The following POLN variants were observed in gnomAD, a reference collection of about 807,000 sequenced individuals.
POLN encodes DNA polymerase nu.
Under a neutral mutation model 113.5 loss-of-function variants are expected in POLN, and 108 were observed. That is an observed-to-expected ratio of 0.95 (90% CI 0.81 to 1.12). The LOEUF is 1.12. Among genes scored for constraint, POLN ranks in the 50% most tolerant of loss-of-function variants. The probability of loss-of-function intolerance (pLI) is 0.00; values close to 1 mark genes in which losing one functional copy is unlikely to be tolerated. For missense variants in POLN, 1,097 were observed against 1,077.1 expected, an observed-to-expected ratio of 1.02 and a Z score of -0.26; for synonymous variants, 386 against 391.5, an observed-to-expected ratio of 0.99 and a Z score of 0.17.
At position 2,218,672 on chromosome 4, in the gene POLN, G is replaced by A. The variant is rs1055921279; in HGVS notation, c.134-5546C>T. Among the ~76,000 whole-genome samples the A allele has an allele frequency of 3.9e-5, 6 of 152,292 alleles. 2 individuals carry two copies. The highest frequency in any genetic ancestry group is 3.9e-4 in the Admixed American group (6 of 15,292). On this transcript the variant is annotated intron_variant, in intron 3 of 25. Coordinates refer to ENST00000511885, the MANE Select transcript of POLN (RefSeq NM_181808.4). ...GGTGGCGGGATAACATAGCACTGGG[G>A]CAAGGTGCAAATTTATATTGTCCAT...
At chr4:2,229,050 T>C in intron 3 of POLN, 49 bp downstream of exon 3, 2 of 1,517,086 alleles carry the variant, frequency 1.3e-6, no homozygotes, top group Non-Finnish European at 1.8e-6. Context: ...TTTAGAACAA[T>C]TAACATTCAA....
At position 2,121,790 on chromosome 4, in the gene POLN, C is replaced by CT. The variant is rs561846189; in HGVS notation, c.1982+6322dup. 2.1e-3 allele frequency among the ~76,000 whole-genome samples: 305 copies of CT among 148,722 alleles called. 3 individuals are homozygous for CT. Among genetic ancestry groups the CT allele is most frequent in the South Asian group, 5.8e-3 (27 of 4,666 alleles). ...TTTTGCTGATTTTTCAAAGAGCTAA[C>CT]TTTTTTTTTTACCAATTTCCTCTAT... On this transcript the variant is annotated intron_variant, in intron 19 of 25. Transcript: ENST00000511885.
chr4:2,157,725 A>C (rs1169797960), intron 15 of POLN, 133 bp downstream of exon 15: 3 of 169,638 alleles, frequency 1.8e-5, no homozygotes, highest in African/African-American at 4.3e-5. Flanking sequence ...TCTGTCTCAA[A>C]AAAAAAAAAA....
chr4:2,153,800 G>A (rs1732353205), intron 16 of POLN, among the ~76,000 whole-genome samples: 1 of 151,984 alleles, frequency 6.6e-6, no homozygotes, highest in Non-Finnish European at 1.5e-5. Flanking sequence ...AAGCCAGAAT[G>A]TTCTCGATCT....
At chr4:2,196,784 G>A (rs1194587505) in intron 6 of POLN, among the ~76,000 whole-genome samples, 3 of 152,200 alleles carry the variant, frequency 2.0e-5, no homozygotes, top group East Asian at 1.9e-4. Flanking sequence ...GTTGGCCTGG[G>A]TGGATGTATA....
chr4:2,222,376 G>A (rs915327041), intron 3 of POLN, among the ~76,000 whole-genome samples: 1 of 151,502 alleles, frequency 6.6e-6, no homozygotes, highest in African/African-American at 2.4e-5. Flanking sequence ...AACCCCATGT[G>A]TACTTAAAAA....
intron 19 of POLN, among the ~76,000 whole-genome samples, chr4:2,121,992 T>C (rs1259042026): frequency 6.6e-6 from 1 of 152,140 alleles, no homozygotes; most frequent in Non-Finnish European, 1.5e-5. Context: ...ACTTTACCCA[T>C]ATCCTTTTCC....
At chr4:2,191,613 A>G (rs1433376923) in intron 7 of POLN, among the ~76,000 whole-genome samples, 3 of 152,198 alleles carry the variant, frequency 2.0e-5, no homozygotes, top group Non-Finnish European at 4.4e-5. Context: ...CAAAATATGT[A>G]TATCTATTAT....
intron 7 of POLN, among the ~76,000 whole-genome samples, chr4:2,190,379 T>C (rs1733409467): frequency 6.6e-6 from 1 of 151,458 alleles, no homozygotes; most frequent in African/African-American, 2.4e-5. Flanking sequence ...AAAAATCAAA[T>C]CAAAATGGAT....
At chr4:2,129,728 A>C (rs1435992439) in intron 17 of POLN, among the ~76,000 whole-genome samples, 1 of 152,192 alleles carries the variant, frequency 6.6e-6, no homozygotes, top group Non-Finnish European at 1.5e-5. Flanking sequence ...TACTACTGAA[A>C]GTTAACTAGG....
At chr4:2,133,803 G>A (rs967055411) in intron 16 of POLN, among the ~76,000 whole-genome samples, 1 of 151,754 alleles carries the variant, frequency 6.6e-6, no homozygotes, top group Non-Finnish European at 1.5e-5. Context: ...ATAATTAGAT[G>A]GACATGTCAC....
chr4:2,230,496 T>C (rs770760298), intron 2 of POLN: 9 of 151,992 alleles, frequency 5.9e-5, no homozygotes, highest in East Asian at 1.9e-4. Context: ...GCTCAGGTGA[T>C]AGGGAGCTGA....
chr4:2,158,023 C>G (rs948410802), intron 14 of POLN, 112 bp from the exon 15 acceptor site: 13 of 641,914 alleles, frequency 2.0e-5, no homozygotes, highest in Admixed American at 1.4e-4. Flanking sequence ...GTGATCTCGG[C>G]TTGCCGCAAC....
intron 2 of POLN, chr4:2,232,062 A>G: frequency 6.3e-7 from 1 of 1,590,358 alleles, no homozygotes; most frequent in Non-Finnish European, 8.6e-7. Context: ...TATTTGCCAA[A>G]GTTTTTCTTT....
chr4:2,071,943 A>C lies in POLN; in HGVS notation c.*171T>G, dbSNP rs543632589. 1.2e-6 allele frequency: 1 copy of C among 800,168 alleles called. No homozygotes were observed. The highest frequency in any genetic ancestry group is 2.2e-6 in the Non-Finnish European group (1 of 462,792). 49.6% of individuals were successfully genotyped at this position (800,168 alleles called of 1,614,324 possible). A position where few individuals can be genotyped will look rare whatever the true frequency, so the allele number is the denominator to read the frequency against. On this transcript the variant is annotated 3_prime_UTR_variant, in exon 26 of 26. Transcript: ENST00000511885. The surrounding 1 kb of genome is among the most constrained non-coding windows in gnomAD (Gnocchi z 5.2). ...CACTTCCCACTCACAGGAAGAATTC[A>C]CTCAGACAAGGATGAGGAGGGCTTT...
Position 2,156,994 on chromosome 4 carries a change from T to G in POLN, c.1666-141A>C. 5 of 683,090 alleles carry G rather than the reference T, an allele frequency of 7.3e-6. No homozygotes were observed. The East Asian group carries it at 1.3e-4, about 18-fold the overall frequency. 42.3% of individuals were successfully genotyped at this position (683,090 alleles called of 1,614,324 possible). A position where few individuals can be genotyped will look rare whatever the true frequency, so the allele number is the denominator to read the frequency against. ...GCTGCTGGCCCTAAACTTCCAACCC[T>G]GAAATGTCCTTGGGGTTACAAAACT... On this transcript the variant is annotated intron_variant, in intron 15 of 25. Transcript: ENST00000511885.
intron 5 of POLN, among the ~76,000 whole-genome samples, chr4:2,203,309 C>T (rs149664357): frequency 2.2e-4 from 34 of 152,094 alleles, no homozygotes; most frequent in African/African-American, 7.0e-4. Context: ...GGGCCGGGCG[C>T]GGTGGTTCAC....
Position 2,157,898 on chromosome 4 carries a change from T to A in POLN, c.1625A>T (p.Lys542Met). ...ILEYRQVHKIKSTFVDGLLAC... is the reference protein window; with the variant it reads ...ILEYRQVHKIMSTFVDGLLAC... Reference sequence around the variant, plus strand: ...TAGTAATCCATCTACAAAGGTTGACTTGATCTTGTGAACCTAAGGTGGAAA... The same window carrying A: ...TAGTAATCCATCTACAAAGGTTGACATGATCTTGTGAACCTAAGGTGGAAA... Residue 542 changes from lysine (K) to methionine (M), a missense_variant, in exon 15 of 26, where the codon AAG becomes ATG. Transcript: ENST00000511885. The A allele has an allele frequency of 1.2e-6, 2 of 1,607,274 alleles. No individual in the cohort carries two copies. The highest frequency in any genetic ancestry group is 1.7e-6 in the Non-Finnish European group (2 of 1,174,982).
chr4:2,085,728 A>T lies in POLN; in HGVS notation c.2082T>A (p.Ala694=), dbSNP rs754731059. The T allele has an allele frequency of 6.2e-7, 1 of 1,613,836 alleles. No homozygotes were observed. The highest frequency in any genetic ancestry group is 1.3e-5 in the African/African-American group (1 of 75,046). The change falls in exon 21 of 26, where the codon GCT becomes GCA. Residue 694 remains alanine (A), a synonymous_variant. Transcript: ENST00000511885. ...VVYGAGKERL[A]ACLGVPIQEA... is the part of the protein sequence containing the mutation. ...CCTGAATAGGAACTCCAAGGCAAGC[A>T]GCCAGCCGCTCCTTCCCTGTCAGTC... is the stretch of plus-strand genomic sequence containing the variant.
Sources: allele counts gnomAD v4.1 joint callset (sites outside exome capture counted in the v4.1 genomes callset), GRCh38; gene constraint gnomAD v4.1.1; non-coding constraint Gnocchi (gnomAD v3.1); transcripts MANE v1.5; gene names NCBI Gene and HGNC (gene_info 2026-07-23, HGNC 2026-07-21).